RHOJ: variants seen among roughly 807,000 people sequenced by gnomAD.
RHOJ encodes rho-related GTP-binding protein RhoJ.
A neutral mutation model predicts 23.4 loss-of-function variants in RHOJ; 11 were observed. The ratio of observed to expected loss-of-function variants is 0.47; its 90% CI spans 0.30 to 0.78. The LOEUF (loss-of-function observed/expected upper bound fraction) is 0.78, where lower values mean the gene tolerates loss of function less well. Ranked by LOEUF, RHOJ falls within the 30% of genes least tolerant of loss-of-function variation. The pLI, the probability that RHOJ is intolerant of heterozygous loss-of-function variation, is 0.08. For missense variants in RHOJ, 254 were observed against 273.4 expected (o/e 0.93, Z 0.50); for synonymous variants, 102 against 102.7 (o/e 0.99, Z 0.04).
chr14:63,212,835 A>C, intron 1 of RHOJ, among the ~76,000 whole-genome samples: 1 of 152,248 alleles, frequency 6.6e-6, no homozygotes, highest in East Asian at 1.9e-4. Context: ...ATACATACTA[A>C]CATTCTGTCA....
chr14:63,229,828 G>A (rs1894658213), intron 1 of RHOJ, among the ~76,000 whole-genome samples: 1 of 152,176 alleles, frequency 6.6e-6, no homozygotes. Flanking sequence ...CCTTTGCCGG[G>A]TAACAGTAAC....
intron 1 of RHOJ, among the ~76,000 whole-genome samples, chr14:63,256,250 T>G (rs1056303596): frequency 5.9e-5 from 9 of 152,128 alleles, no homozygotes; most frequent in Non-Finnish European, 1.3e-4. Context: ...TGTCACTTAC[T>G]CCCTGCACTA....
chr14:63,214,636 A>C (rs1894313368), intron 1 of RHOJ, among the ~76,000 whole-genome samples: 1 of 152,200 alleles, frequency 6.6e-6, no homozygotes, highest in South Asian at 2.1e-4. Context: ...TCCTGGAAGA[A>C]GGAGAATACA....
intron 4 of RHOJ, among the ~76,000 whole-genome samples, chr14:63,285,870 C>G (rs547021284): frequency 7.7e-4 from 117 of 152,304 alleles, no homozygotes; most frequent in Non-Finnish European, 1.3e-3. Context: ...CTAATACAGT[C>G]TAAACATGAT....
intron 2 of RHOJ, among the ~76,000 whole-genome samples, chr14:63,277,603 T>G (rs1881761045): frequency 6.6e-6 from 1 of 152,216 alleles, no homozygotes; most frequent in African/African-American, 2.4e-5. Context: ...TGCAGGTCAC[T>G]GTAGAGGTCA....
chr14:63,250,214 A>G (rs1594765422), intron 1 of RHOJ, among the ~76,000 whole-genome samples: 1 of 150,970 alleles, frequency 6.6e-6, no homozygotes, highest in African/African-American at 2.4e-5. Context: ...CATTCACTAC[A>G]CTCCAGCCAT....
chr14:63,205,392 A>G (rs1437354939), intron 1 of RHOJ, among the ~76,000 whole-genome samples: 2 of 152,220 alleles, frequency 1.3e-5, no homozygotes, highest in Non-Finnish European at 2.9e-5. Flanking sequence ...TTGCATCACA[A>G]TTCTTTTCTG....
rs1375845596 is a variant in RHOJ, at chr14:63,291,032, T to C, written c.*8T>C. On this transcript the variant is annotated 3_prime_UTR_variant, in exon 5 of 5. Coordinates refer to ENST00000316754, the MANE Select transcript of RHOJ (RefSeq NM_020663.5). ...TGCTGTTCAATTATCTGAGGTTGTC[T>C]GGGACCTGCCTCCACCCCATCCAGG... 4 of 1,613,968 alleles carry C rather than the reference T, an allele frequency of 2.5e-6. No individual in the cohort carries two copies. Among genetic ancestry groups the C allele is most frequent in the Non-Finnish European group, 3.4e-6 (4 of 1,179,982 alleles).
At chr14:63,250,427 T>C (rs1408675699) in intron 1 of RHOJ, among the ~76,000 whole-genome samples, 2 of 151,974 alleles carry the variant, frequency 1.3e-5, no homozygotes, top group Non-Finnish European at 2.9e-5. Flanking sequence ...TTTGTAGAGA[T>C]AGGGTTTTGC....
chr14:63,283,131 G>T lies in RHOJ; in HGVS notation c.413G>T (p.Arg138Leu), dbSNP rs753578867. The T allele has an allele frequency of 6.2e-7, 1 of 1,613,716 alleles. No homozygotes were observed. Among genetic ancestry groups the T allele is most frequent in the Non-Finnish European group, 8.5e-7 (1 of 1,179,666 alleles). ...GTGTTTTCTTGCCAGATTGATCTCC[G>T]TGATGACCCAAAAACCTTGGCCCGT... The part of the protein sequence containing the change: ...YVLIGTQIDL[R>L]DDPKTLARLL... The change falls in exon 4 of 5, where the codon CGT becomes CTT. Residue 138 changes from arginine to leucine, a missense_variant. Arg to Leu is a moderately radical substitution (Grantham distance 102). Transcript: ENST00000316754.
chr14:63,260,385 A>G (rs1895251222), intron 1 of RHOJ, among the ~76,000 whole-genome samples: 1 of 152,182 alleles, frequency 6.6e-6, no homozygotes, highest in Non-Finnish European at 1.5e-5. Flanking sequence ...CCTACAGCCT[A>G]AAATAAATCT....
intron 1 of RHOJ, among the ~76,000 whole-genome samples, chr14:63,214,119 A>G (rs1370825666): frequency 3.3e-5 from 5 of 152,312 alleles, no homozygotes; most frequent in Non-Finnish European, 1.5e-5. Context: ...ATTCCACTAC[A>G]TATGACATAC....
chr14:63,257,203 A>G (rs1162158673), intron 1 of RHOJ, among the ~76,000 whole-genome samples: 1 of 138,532 alleles, frequency 7.2e-6, no homozygotes, highest in African/African-American at 2.8e-5. Context: ...GCACCACTGT[A>G]CTCCAGCCTG....
chr14:63,224,440 G>A (rs1483655257), intron 1 of RHOJ, among the ~76,000 whole-genome samples: 2 of 152,080 alleles, frequency 1.3e-5, no homozygotes, highest in African/African-American at 4.8e-5. Context: ...CATTATCTCA[G>A]CAGCAGTTGG....
At chr14:63,287,599 GTT>G (rs200884009) in intron 4 of RHOJ, among the ~76,000 whole-genome samples, 2,258 of 139,362 alleles carry the variant, frequency 0.016, 64 homozygotes, top group African/African-American at 0.055. Flanking sequence ...AGTCATTACG[GTT>G]TTTTTTTTTT....
chr14:63,243,343 T>TTTG (rs753871067), intron 1 of RHOJ, among the ~76,000 whole-genome samples: 6 of 152,088 alleles, frequency 3.9e-5, no homozygotes, highest in African/African-American at 1.2e-4. Context: ...ACATTTCTTT[T>TTTG]TTGTTGTTGT....
intron 2 of RHOJ, 86 bp downstream of exon 2, chr14:63,269,254 C>A: frequency 1.1e-6 from 1 of 926,920 alleles, no homozygotes; most frequent in Non-Finnish European, 1.8e-6. Flanking sequence ...GGACTCATAG[C>A]ACAGATATTA....
chr14:63,266,012 GGTAAGCGTC>G (rs1566624690), intron 1 of RHOJ, among the ~76,000 whole-genome samples: 2 of 152,242 alleles, frequency 1.3e-5, no homozygotes, highest in East Asian at 3.9e-4. Context: ...GAGAACAAAC[GGTAAGCGTC>G]TCTTGTCAGA....
chr14:63,245,812 C>T (rs981771524), intron 1 of RHOJ, among the ~76,000 whole-genome samples: 1 of 152,244 alleles, frequency 6.6e-6, no homozygotes, highest in South Asian at 2.1e-4. Flanking sequence ...GGATGCTACT[C>T]GATAGAAGAC....
Sources: gnomAD v4.1 joint callset for allele counts (sites outside exome capture counted in the v4.1 genomes callset) on GRCh38, gnomAD v4.1.1 for gene constraint, MANE v1.5 for transcripts, NCBI Gene and HGNC (gene_info 2026-07-23, HGNC 2026-07-21) for gene names.